The following GRM7 variants were observed in gnomAD, a reference collection of about 807,000 sequenced individuals.
The protein encoded by GRM7 is metabotropic glutamate receptor 7.
In GRM7, 35 loss-of-function variants were observed where a neutral mutation model predicts 84.5. The observed-to-expected ratio is 0.41, with a 90% CI of 0.32 to 0.55. The LOEUF is 0.55. Ranked by LOEUF, GRM7 falls within the 20% of genes least tolerant of loss-of-function variation. GRM7 has a pLI of 0.19. For missense variants in GRM7, 1,003 were observed against 1,194.6 expected (o/e 0.84, Z 2.36); for synonymous variants, 487 against 455.1 (o/e 1.07, Z -0.89).
chr3:7,091,743 G>A (rs773505206), intron 1 of GRM7, among the ~76,000 whole-genome samples: 23 of 76,562 alleles, frequency 3.0e-4, no homozygotes, highest in Non-Finnish European at 5.6e-4. Context: ...TCAGGAATGA[G>A]CGTTTTTGAC....
rs1363502488 is a variant in GRM7, at chr3:7,378,809, T to A, written c.1034-36214T>A. ...CTTATCAGGATTTTGCCACATTTGA[T>A]TCATCTATCTTTTAAAATTTTCTTT... is the stretch of plus-strand genomic sequence containing the variant. On this transcript the variant is annotated intron_variant, in intron 4 of 9. Transcript: ENST00000357716. Among the ~76,000 whole-genome samples the A allele has an allele frequency of 2.0e-5, 3 of 152,186 alleles. No individual in the cohort carries two copies. In the East Asian group the frequency reaches 5.8e-4, roughly 29 times the overall value.
intron 1 of GRM7, among the ~76,000 whole-genome samples, chr3:7,034,841 A>G (rs767378246): frequency 1.1e-4 from 17 of 152,192 alleles, no homozygotes; most frequent in Non-Finnish European, 1.9e-4. Context: ...CTCAGGAGTG[A>G]AAGTGTTGCA....
chr3:7,420,635 T>A (rs978385063), intron 5 of GRM7, among the ~76,000 whole-genome samples: 2 of 152,148 alleles, frequency 1.3e-5, no homozygotes, highest in African/African-American at 4.8e-5. Context: ...TTGGTTGACA[T>A]CTCTCTTGCT....
intron 2 of GRM7, among the ~76,000 whole-genome samples, chr3:7,197,076 A>G (rs1481671797): frequency 6.6e-6 from 1 of 152,196 alleles, no homozygotes; most frequent in Non-Finnish European, 1.5e-5. Context: ...ATTCTTAGCC[A>G]CAATGTCCCA....
chr3:7,418,538 G>A (rs1476266897), intron 5 of GRM7, among the ~76,000 whole-genome samples: 1 of 152,162 alleles, frequency 6.6e-6, no homozygotes, highest in Non-Finnish European at 1.5e-5. Flanking sequence ...CAGGCAGAAA[G>A]ATCAGATGTG....
At chr3:7,117,665 C>T (rs184664742) in intron 1 of GRM7, among the ~76,000 whole-genome samples, 7 of 152,210 alleles carry the variant, frequency 4.6e-5, no homozygotes, top group East Asian at 3.9e-4. Flanking sequence ...CGGAAGAACA[C>T]GACAGTTCAG....
At chr3:6,888,253 A>G (rs9864547) in intron 1 of GRM7, among the ~76,000 whole-genome samples, 8,997 of 151,864 alleles carry the variant, frequency 0.059, 941 homozygotes, top group African/African-American at 0.21. Flanking sequence ...CCATTTGTCA[A>G]TTTTGTCTTT....
intron 8 of GRM7, chr3:7,636,427 C>G (rs1698098159): frequency 2.7e-6 from 1 of 376,800 alleles, no homozygotes; most frequent in Non-Finnish European, 5.3e-6. Context: ...TACATGTTCA[C>G]TCTAAAGTTA....
intron 1 of GRM7, among the ~76,000 whole-genome samples, chr3:7,038,302 A>G (rs1046425800): frequency 2.0e-4 from 31 of 152,328 alleles, no homozygotes; most frequent in African/African-American, 7.5e-4. Flanking sequence ...TCATTAATAC[A>G]TAGCCTTATT....
At chr3:7,029,659 T>C (rs1181080228) in intron 1 of GRM7, among the ~76,000 whole-genome samples, 1 of 152,182 alleles carries the variant, frequency 6.6e-6, no homozygotes, top group Non-Finnish European at 1.5e-5. Context: ...GTGGTCAAAT[T>C]CATAGTGACA....
At chr3:7,095,553 T>G (rs534906766) in intron 1 of GRM7, among the ~76,000 whole-genome samples, 3 of 152,212 alleles carry the variant, frequency 2.0e-5, no homozygotes, top group Non-Finnish European at 4.4e-5. Context: ...AGGACCACAT[T>G]CTTTCCCAAT....
At chr3:7,592,963 G>A (rs571348663) in intron 8 of GRM7, among the ~76,000 whole-genome samples, 5 of 152,128 alleles carry the variant, frequency 3.3e-5, no homozygotes, top group East Asian at 3.9e-4. Context: ...TAGAAGACCC[G>A]AGTGGACTGG....
At chr3:7,309,798 A>AT (rs1449481034) in intron 4 of GRM7, among the ~76,000 whole-genome samples, 1 of 152,068 alleles carries the variant, frequency 6.6e-6, no homozygotes, top group Non-Finnish European at 1.5e-5. Flanking sequence ...CGATTTAATG[A>AT]TGAAAGGAGC....
At chr3:6,933,748 C>CA (rs1433992198) in intron 1 of GRM7, among the ~76,000 whole-genome samples, 2 of 148,902 alleles carry the variant, frequency 1.3e-5, no homozygotes, top group African/African-American at 2.5e-5. Context: ...AAAAAAAAAA[C>CA]AAAACAAAAC....
intron 1 of GRM7, among the ~76,000 whole-genome samples, chr3:7,073,614 C>A (rs116708410): frequency 2.6e-5 from 4 of 152,238 alleles, no homozygotes; most frequent in Admixed American, 2.0e-4. Context: ...AACACTGCAT[C>A]TGTTGAACAT....
chr3:7,280,653 C>G (rs1699222342), intron 2 of GRM7, among the ~76,000 whole-genome samples: 1 of 152,180 alleles, frequency 6.6e-6, no homozygotes, highest in East Asian at 1.9e-4. Flanking sequence ...GCATATAGTA[C>G]AAGCTCAGAA....
chr3:7,210,847 G>A (rs1189742442), intron 2 of GRM7, among the ~76,000 whole-genome samples: 1 of 147,918 alleles, frequency 6.8e-6, no homozygotes, highest in Non-Finnish European at 1.5e-5. Flanking sequence ...TTTGTGCCTT[G>A]TAAATTTTAA....
intron 2 of GRM7, among the ~76,000 whole-genome samples, chr3:7,250,344 G>A (rs1354191706): frequency 6.6e-6 from 1 of 151,976 alleles, no homozygotes; most frequent in African/African-American, 2.4e-5. Context: ...TTGGAAGTAT[G>A]TGAAAGTAGT....
chr3:7,734,894 G>A (rs919107058), intron 9 of GRM7, among the ~76,000 whole-genome samples: 17 of 152,176 alleles, frequency 1.1e-4, no homozygotes, highest in Admixed American at 2.0e-4. Flanking sequence ...TTCTTTGTAA[G>A]ATACAGGAAG....
Sources: gnomAD v4.1 joint callset for allele counts (sites outside exome capture counted in the v4.1 genomes callset) on GRCh38, gnomAD v4.1.1 for gene constraint, MANE v1.5 for transcripts, NCBI Gene and HGNC (gene_info 2026-07-23, HGNC 2026-07-21) for gene names.